SLC9C1: variants seen among roughly 807,000 people sequenced by gnomAD.
SLC9C1 encodes the protein solute carrier family 9 member C1, also known as sodium/hydrogen exchanger 10.
A neutral mutation model predicts 140.9 loss-of-function variants in SLC9C1; 97 were observed. That is an observed-to-expected ratio of 0.69 (90% CI 0.58 to 0.82). SLC9C1 has a LOEUF of 0.82. Ranked by LOEUF, SLC9C1 falls within the 40% of genes least tolerant of loss-of-function variation. SLC9C1 has a pLI of 0.00. For missense variants in SLC9C1, 1,340 were observed against 1,389.3 expected, an observed-to-expected ratio of 0.96 and a Z score of 0.56; for synonymous variants, 440 against 442.6, an observed-to-expected ratio of 0.99 and a Z score of 0.07.
chr3:112,157,405 T>C (rs975176831), intron 26 of SLC9C1, among the ~76,000 whole-genome samples: 2 of 152,184 alleles, frequency 1.3e-5, no homozygotes, highest in African/African-American at 4.8e-5. Context: ...AGCACCATGC[T>C]ATTTTGGTAA....
At chr3:112,243,519 G>A (rs1016996992) in intron 11 of SLC9C1, among the ~76,000 whole-genome samples, 1 of 152,092 alleles carries the variant, frequency 6.6e-6, no homozygotes, top group Non-Finnish European at 1.5e-5. Context: ...AGAGAAATGG[G>A]ATGTGAGTTG....
At chr3:112,156,530 A>T (rs1235432385) in intron 26 of SLC9C1, among the ~76,000 whole-genome samples, 1 of 152,120 alleles carries the variant, frequency 6.6e-6, no homozygotes, top group Non-Finnish European at 1.5e-5. Context: ...TTTTGAATAT[A>T]TACCCAGCAG....
At chr3:112,192,075 TACTGTGGTAAAA>T (rs1291604424) in intron 20 of SLC9C1, among the ~76,000 whole-genome samples, 1 of 151,858 alleles carries the variant, frequency 6.6e-6, no homozygotes, top group Non-Finnish European at 1.5e-5. Flanking sequence ...TTTTTTTTTT[TACTGTGGTAAAA>T]TACACGTAAC....
At chr3:112,193,351 G>A (rs772108312) in intron 20 of SLC9C1, among the ~76,000 whole-genome samples, 5 of 152,144 alleles carry the variant, frequency 3.3e-5, no homozygotes, top group Non-Finnish European at 7.4e-5. Flanking sequence ...GATTGGATGG[G>A]CTTTTTTTCT....
rs556022510 is a variant in SLC9C1, at chr3:112,221,257, G to A, written c.1573-32C>T. The A allele has an allele frequency of 1.5e-5, 23 of 1,551,724 alleles. No individual in the cohort carries two copies. The South Asian group carries it at 2.5e-4, about 17-fold the overall frequency. On this transcript the variant is annotated intron_variant, in intron 13 of 28. Transcript: ENST00000305815. Reference sequence around the variant, plus strand: ...AAATATTAATTCAAGTCATTATATAGCATGAATAACGATGACAACTTATTA... The same window carrying A: ...AAATATTAATTCAAGTCATTATATAACATGAATAACGATGACAACTTATTA...
intron 14 of SLC9C1, among the ~76,000 whole-genome samples, chr3:112,217,953 T>A (rs1490654059): frequency 6.6e-6 from 1 of 152,120 alleles, no homozygotes; most frequent in Non-Finnish European, 1.5e-5. Flanking sequence ...AGGATAAAAA[T>A]ACCAATGTTA....
chr3:112,248,960 C>T lies in SLC9C1; in HGVS notation c.1198-4884G>A, dbSNP rs879469698. 3.9e-5 allele frequency among the ~76,000 whole-genome samples: 6 copies of T among 152,058 alleles called. No individual in the cohort carries two copies. The South Asian group carries it at 1.0e-3, about 26-fold the overall frequency. ...TTTATTTCTTTCTCTTGCCTGATTGCTCTGGCTAGGACTCTCAGAACTGTG... is the reference window on the plus strand; with the variant it reads ...TTTATTTCTTTCTCTTGCCTGATTGTTCTGGCTAGGACTCTCAGAACTGTG... On this transcript the variant is annotated intron_variant, in intron 10 of 28. Transcript: ENST00000305815.
intron 2 of SLC9C1, among the ~76,000 whole-genome samples, chr3:112,285,531 G>A (rs1412520633): frequency 3.9e-5 from 6 of 152,124 alleles, no homozygotes; most frequent in East Asian, 1.9e-4. Context: ...ATCAGGCACC[G>A]TGCCCAGCCA....
intron 2 of SLC9C1, among the ~76,000 whole-genome samples, chr3:112,284,533 G>A (rs1423910148): frequency 1.3e-5 from 2 of 152,350 alleles, no homozygotes; most frequent in East Asian, 3.9e-4. Context: ...CTGACTATGG[G>A]AATGTTAACG....
At chr3:112,223,107 A>G (rs930652219) in intron 13 of SLC9C1, among the ~76,000 whole-genome samples, 4 of 152,190 alleles carry the variant, frequency 2.6e-5, no homozygotes, top group African/African-American at 7.2e-5. Flanking sequence ...GTAATAAAAC[A>G]TATCTATAAA....
At chr3:112,280,354 T>C (rs1245594615) in intron 3 of SLC9C1, among the ~76,000 whole-genome samples, 3 of 152,268 alleles carry the variant, frequency 2.0e-5, no homozygotes, top group Non-Finnish European at 4.4e-5. Context: ...AAAGTCTCCC[T>C]GAGCTCCTAT....
chr3:112,283,120 G>A (rs1448961646), intron 2 of SLC9C1, among the ~76,000 whole-genome samples: 4 of 152,118 alleles, frequency 2.6e-5, no homozygotes, highest in Admixed American at 1.3e-4. Context: ...TGTGATGATC[G>A]TTTTGTCTAC....
intron 13 of SLC9C1, among the ~76,000 whole-genome samples, chr3:112,229,595 T>C (rs1185760727): frequency 6.6e-6 from 1 of 151,550 alleles, no homozygotes; most frequent in East Asian, 1.9e-4. Flanking sequence ...AGCAAAAGGG[T>C]GTATAGATTT....
intron 15 of SLC9C1, among the ~76,000 whole-genome samples, chr3:112,215,829 T>G (rs560564565): frequency 5.3e-5 from 8 of 152,304 alleles, no homozygotes; most frequent in African/African-American, 1.9e-4. Context: ...TACCAATGAC[T>G]TTCTTCACAG....
intron 15 of SLC9C1, among the ~76,000 whole-genome samples, chr3:112,211,381 A>C (rs996673296): frequency 9.2e-5 from 6 of 65,192 alleles, no homozygotes; most frequent in Non-Finnish European, 1.7e-4. Flanking sequence ...GGTGCAGTGC[A>C]CCGAGCATGA....
chr3:112,260,854 G>A (rs1410238182), intron 10 of SLC9C1, among the ~76,000 whole-genome samples: 1 of 151,944 alleles, frequency 6.6e-6, no homozygotes, highest in African/African-American at 2.4e-5. Flanking sequence ...TGCTCCTCCT[G>A]CAAAATCTCT....
chr3:112,251,058 A>C (rs541508481), intron 10 of SLC9C1, among the ~76,000 whole-genome samples: 1 of 152,350 alleles, frequency 6.6e-6, no homozygotes, highest in African/African-American at 2.4e-5. Context: ...CTATGCAGTC[A>C]TAAAAAGAAC....
chr3:112,242,383 A>G (rs1433216764), intron 11 of SLC9C1, among the ~76,000 whole-genome samples: 1 of 152,328 alleles, frequency 6.6e-6, no homozygotes, highest in East Asian at 1.9e-4. Context: ...TTGCAACAGC[A>G]TGGATGGAAC....
At chr3:112,201,273 G>A (rs1345146938) in intron 18 of SLC9C1, among the ~76,000 whole-genome samples, 1 of 151,980 alleles carries the variant, frequency 6.6e-6, no homozygotes, top group Non-Finnish European at 1.5e-5. Context: ...TTTGGCCAAG[G>A]TGAACGAAAG....
Sources: gnomAD v4.1 joint callset for allele counts (sites outside exome capture counted in the v4.1 genomes callset) on GRCh38, gnomAD v4.1.1 for gene constraint, MANE v1.5 for transcripts, NCBI Gene and HGNC (gene_info 2026-07-23, HGNC 2026-07-21) for gene names.